The following DENND5B variants were observed in gnomAD, a reference collection of about 807,000 sequenced individuals.
DENND5B encodes DENN domain-containing protein 5B.
A neutral mutation model predicts 140.6 loss-of-function variants in DENND5B; 34 were observed. The ratio of observed to expected loss-of-function variants is 0.24; its 90% CI spans 0.18 to 0.32. The LOEUF (loss-of-function observed/expected upper bound fraction) is 0.32, where lower values mean the gene tolerates loss of function less well. Among genes scored for constraint, DENND5B ranks in the 10% least tolerant of loss-of-function variants. The pLI, the probability that DENND5B is intolerant of heterozygous loss-of-function variation, is 1.00. For missense variants in DENND5B, 1,142 were observed against 1,560.2 expected (o/e 0.73, Z 4.52); for synonymous variants, 551 against 562.1 (o/e 0.98, Z 0.28).
In DENND5B at chr12:31,590,754, G is replaced by A; in HGVS notation, c.79C>T (p.Leu27=). Residue 27 remains leucine, a synonymous_variant, in exon 1 of 21, where the codon CTG becomes TTG. Transcript: ENST00000389082. ...CCGCTGTCCGCGTCGATCCCGCACA[G>A]CACGAAGTAGTGCGCGAAGCGGCAG... The part of the protein sequence containing the change: ...AACRFAHYFV[L]CGIDADSGLE... 1.4e-6 allele frequency: 2 copies of A among 1,430,460 alleles called. No homozygotes were observed. The highest frequency in any genetic ancestry group is 3.1e-5 in the East Asian group (1 of 32,628). 88.6% of individuals were successfully genotyped at this position (1,430,460 alleles called of 1,614,324 possible). A position where few individuals can be genotyped will look rare whatever the true frequency, so the allele number is the denominator to read the frequency against.
chr12:31,493,903 A>T (rs543305313), intron 2 of DENND5B, among the ~76,000 whole-genome samples: 4 of 152,240 alleles, frequency 2.6e-5, no homozygotes, highest in Non-Finnish European at 5.9e-5. Context: ...TTCACCTTTA[A>T]TCATTTCTGT....
chr12:31,487,616 C>T (rs1034114808), intron 2 of DENND5B, among the ~76,000 whole-genome samples: 26 of 152,190 alleles, frequency 1.7e-4, no homozygotes, highest in African/African-American at 6.3e-4. Flanking sequence ...GCACGAGAAT[C>T]GCATGAATCC....
chr12:31,557,638 A>G (rs987565583), intron 1 of DENND5B, among the ~76,000 whole-genome samples: 5 of 152,108 alleles, frequency 3.3e-5, no homozygotes, highest in African/African-American at 7.2e-5. Context: ...AAACGTACAA[A>G]TTCAAGGCAT....
At chr12:31,409,822 G>T (rs985281150) in intron 13 of DENND5B, among the ~76,000 whole-genome samples, 1 of 151,760 alleles carries the variant, frequency 6.6e-6, no homozygotes, top group East Asian at 1.9e-4. Flanking sequence ...TTTTTTCCAG[G>T]ATGGGGTCTC....
intron 1 of DENND5B, among the ~76,000 whole-genome samples, chr12:31,584,381 C>T (rs534172877): frequency 3.1e-4 from 47 of 152,358 alleles, no homozygotes; most frequent in Non-Finnish European, 6.5e-4. Context: ...AATTTAGCTT[C>T]ACTCACTCTT....
chr12:31,479,443 G>A lies in DENND5B; in HGVS notation c.904+146C>T, dbSNP rs3867156. 1.2e-5 allele frequency: 8 copies of A among 640,236 alleles called. No individual in the cohort carries two copies. The Admixed American group carries it at 1.6e-4, about 13-fold the overall frequency. The allele number at this position is 640,236 out of a possible 1,614,324, so 39.7% of individuals were successfully genotyped here. ...GAGAAACAGCAGTCTCATCTCAGCC[G>A]CTGGTCCCACCATACCTGCTCCCTT... is the stretch of plus-strand genomic sequence containing the variant. On this transcript the variant is annotated intron_variant, in intron 3 of 20. Transcript: ENST00000389082.
At chr12:31,589,093 C>A (rs982071123) in intron 1 of DENND5B, among the ~76,000 whole-genome samples, 3 of 152,118 alleles carry the variant, frequency 2.0e-5, no homozygotes, top group Non-Finnish European at 4.4e-5. Context: ...AGTAGGCAAA[C>A]GGAAAAGAAA....
intron 17 of DENND5B, among the ~76,000 whole-genome samples, chr12:31,393,107 C>T (rs1372986654): frequency 6.6e-6 from 1 of 152,118 alleles, no homozygotes; most frequent in East Asian, 1.9e-4. Flanking sequence ...TTGAGAAGTC[C>T]CAACATCACT....
intron 1 of DENND5B, among the ~76,000 whole-genome samples, chr12:31,537,765 T>C (rs1428086126): frequency 1.3e-5 from 2 of 151,566 alleles, no homozygotes; most frequent in African/African-American, 2.4e-5. Flanking sequence ...AAGACACACA[T>C]AGACTGAAAA....
chr12:31,475,102 A>G (rs947927746), intron 3 of DENND5B, among the ~76,000 whole-genome samples: 2 of 152,126 alleles, frequency 1.3e-5, no homozygotes, highest in African/African-American at 4.8e-5. Context: ...CCAAGCCTCA[A>G]TCTCCTCCTC....
intron 13 of DENND5B, among the ~76,000 whole-genome samples, chr12:31,411,097 G>A (rs1270241924): frequency 6.7e-6 from 1 of 149,164 alleles, no homozygotes; most frequent in Non-Finnish European, 1.5e-5. Context: ...AGAGTGCAAT[G>A]GCACGATCTT....
intron 2 of DENND5B, among the ~76,000 whole-genome samples, chr12:31,486,131 T>A: frequency 6.6e-6 from 1 of 152,222 alleles, no homozygotes; most frequent in East Asian, 1.9e-4. Context: ...GAACATCACT[T>A]CAGGGTGACG....
At chr12:31,445,106 AC>A (rs1434892017) in intron 6 of DENND5B, among the ~76,000 whole-genome samples, 1 of 152,218 alleles carries the variant, frequency 6.6e-6, no homozygotes, top group East Asian at 1.9e-4. Flanking sequence ...AATAACTCCA[AC>A]ATTTGAAGGG....
Position 31,385,851 on chromosome 12 carries a change from T to C in DENND5B, c.*1752A>G, listed in dbSNP as rs1186570356. On this transcript the variant is annotated 3_prime_UTR_variant, in exon 21 of 21. Coordinates refer to ENST00000389082, the MANE Select transcript of DENND5B (RefSeq NM_144973.4). ...GCCACCACGCCCGGCTAATTTTTTGTATTTTTAGTAGAGACGGGGTTTCAC... is the reference window on the plus strand; with the variant it reads ...GCCACCACGCCCGGCTAATTTTTTGCATTTTTAGTAGAGACGGGGTTTCAC... 1 of 152,418 alleles carries C rather than the reference T, an allele frequency of 6.6e-6. No individual in the cohort carries two copies. Among genetic ancestry groups the C allele is most frequent in the African/African-American group, 2.4e-5 (1 of 41,460 alleles). The allele number at this position is 152,418 out of a possible 1,614,324, so 9.4% of individuals were successfully genotyped here. A position where few individuals can be genotyped will look rare whatever the true frequency, so the allele number is the denominator to read the frequency against.
At chr12:31,471,027 A>G (rs1365056466) in intron 3 of DENND5B, among the ~76,000 whole-genome samples, 1 of 152,246 alleles carries the variant, frequency 6.6e-6, no homozygotes, top group Non-Finnish European at 1.5e-5. Flanking sequence ...ACCAACAGAA[A>G]AAAGTTAAAT....
At chr12:31,404,292 G>A (rs1565546249) in intron 14 of DENND5B, among the ~76,000 whole-genome samples, 1 of 152,066 alleles carries the variant, frequency 6.6e-6, no homozygotes, top group Non-Finnish European at 1.5e-5. Context: ...TACATTTCTG[G>A]TTTTTTGTTT....
chr12:31,472,450 C>T (rs1396169045), intron 3 of DENND5B, among the ~76,000 whole-genome samples: 2 of 152,136 alleles, frequency 1.3e-5, no homozygotes, highest in South Asian at 4.1e-4. Flanking sequence ...CACCACCATG[C>T]CTGCCTAATT....
At chr12:31,569,521 A>G (rs1036266789) in intron 1 of DENND5B, among the ~76,000 whole-genome samples, 1 of 152,236 alleles carries the variant, frequency 6.6e-6, no homozygotes, top group African/African-American at 2.4e-5. Context: ...TTAAAGAGCC[A>G]ATGCCAGCTG....
intron 5 of DENND5B, among the ~76,000 whole-genome samples, chr12:31,448,336 C>T (rs1315142303): frequency 6.6e-6 from 1 of 151,814 alleles, no homozygotes; most frequent in Non-Finnish European, 1.5e-5. Context: ...GGGGTTTCAC[C>T]ATGTTAGCCA....
Sources: gnomAD v4.1 joint callset for allele counts (sites outside exome capture counted in the v4.1 genomes callset) on GRCh38, gnomAD v4.1.1 for gene constraint, MANE v1.5 for transcripts, NCBI Gene and HGNC (gene_info 2026-07-23, HGNC 2026-07-21) for gene names.